The following ATP2A2 variants were observed in gnomAD, a reference collection of about 807,000 sequenced individuals.
ATP2A2 encodes ATPase sarcoplasmic/endoplasmic reticulum Ca2+ transporting 2.
A neutral mutation model predicts 109.3 loss-of-function variants in ATP2A2; 14 were observed. The observed-to-expected ratio is 0.13, with a 90% CI of 0.08 to 0.20. The LOEUF (loss-of-function observed/expected upper bound fraction) is 0.20, where lower values mean the gene tolerates loss of function less well. ATP2A2 is among the 10% of genes least tolerant of loss of function. The pLI is 1.00. For missense variants in ATP2A2, 657 were observed against 1,321.6 expected, an observed-to-expected ratio of 0.50 and a Z score of 7.80; for synonymous variants, 506 against 490.9, an observed-to-expected ratio of 1.03 and a Z score of -0.41.
chr12:110,339,281 G>C lies in ATP2A2; in HGVS notation c.1420G>C (p.Val474Leu). 1 of 1,613,888 alleles carries C rather than the reference G, an allele frequency of 6.2e-7. No individual in the cohort carries two copies. Among genetic ancestry groups the C allele is most frequent in the Non-Finnish European group, 8.5e-7 (1 of 1,180,010 alleles). ...KIERANACNS[V>L]IKQLMKKEFT... ...GTATCCATATTTGTTCCCTTTGTAG[G>C]TCATTAAACAGCTGATGAAAAAGGA... Residue 474 changes from valine to leucine, a missense_variant and splice_region_variant, in exon 12 of 20, where the codon GTC becomes CTC. This residue lies in a region of ATP2A2 where 180 missense variants were observed against 329.1 expected (regional missense o/e 0.55). Coordinates refer to ENST00000539276, the MANE Select transcript of ATP2A2 (RefSeq NM_170665.4). The surrounding 1 kb of genome is among the most constrained non-coding windows in gnomAD (Gnocchi z 4.4).
chr12:110,294,546 T>A (rs1873755824), intron 4 of ATP2A2, among the ~76,000 whole-genome samples: 1 of 151,908 alleles, frequency 6.6e-6, no homozygotes. Context: ...CCCCAGCTAC[T>A]TGGGAGGCTG....
chr12:110,344,960 T>C lies in ATP2A2; in HGVS notation c.2596T>C (p.Phe866Leu). Residue 866 changes from phenylalanine (F) to leucine (L), a missense_variant, in exon 17 of 20, where the codon TTC (phenylalanine) becomes CTC (leucine). Phe to Leu is a conservative substitution (Grantham distance 22, BLOSUM62 0). This residue lies in a region of ATP2A2 where 125 missense variants were observed against 243.5 expected (regional missense o/e 0.51). Coordinates refer to ENST00000539276, the MANE Select transcript of ATP2A2 (RefSeq NM_170665.4). ...IAADGGPRVS[F>L]YQLSHFLQCK... ...TGCTGACGGTGGTCCAAGAGTGTCCTTCTACCAGCTGGTACTCAGTCACCT... is the reference window on the plus strand; with the variant it reads ...TGCTGACGGTGGTCCAAGAGTGTCCCTCTACCAGCTGGTACTCAGTCACCT... 1 of 1,614,128 alleles carries C rather than the reference T, an allele frequency of 6.2e-7. No homozygotes were observed. Among genetic ancestry groups the C allele is most frequent in the Non-Finnish European group, 8.5e-7 (1 of 1,180,002 alleles).
At position 110,346,498 on chromosome 12, in the gene ATP2A2, T is replaced by TA; in HGVS notation, c.*30dup. The TA allele has an allele frequency of 1.2e-6, 2 of 1,613,960 alleles. No individual in the cohort carries two copies. The highest frequency in any genetic ancestry group is 1.7e-6 in the Non-Finnish European group (2 of 1,179,964). On this transcript the variant is annotated 3_prime_UTR_variant, in exon 20 of 20. Transcript: ENST00000539276. ...GACAGTTTTCCATAAAGAAGATGTT[T>TA]AACTTAATCAATTAATTTTTTTATT... is the stretch of plus-strand genomic sequence containing the variant.
In ATP2A2 at chr12:110,346,499, A is replaced by G. The variant is rs764675759; in HGVS notation, c.*29A>G. ...ACAGTTTTCCATAAAGAAGATGTTT[A>G]ACTTAATCAATTAATTTTTTTATTG... On this transcript the variant is annotated 3_prime_UTR_variant, in exon 20 of 20. Transcript: ENST00000539276. 1 of 1,613,886 alleles carries G rather than the reference A, an allele frequency of 6.2e-7. No homozygotes were observed. Among genetic ancestry groups the G allele is most frequent in the South Asian group, 1.1e-5 (1 of 91,024 alleles).
At chr12:110,338,501 A>G (rs1297075768) in intron 11 of ATP2A2, among the ~76,000 whole-genome samples, 7 of 152,162 alleles carry the variant, frequency 4.6e-5, no homozygotes, top group Admixed American at 3.9e-4. Flanking sequence ...TCTTTCGTCC[A>G]GGGTGGAGTG....
At chr12:110,343,518 G>GT (rs1328538745) in intron 16 of ATP2A2, 84 bp downstream of exon 16, 3 of 1,502,768 alleles carry the variant, frequency 2.0e-6, no homozygotes, top group South Asian at 1.1e-5. Flanking sequence ...TTAAAAGCGT[G>GT]TTTTTTCTTC....
chr12:110,321,665 C>A (rs1877259741), intron 5 of ATP2A2, among the ~76,000 whole-genome samples: 1 of 152,202 alleles, frequency 6.6e-6, no homozygotes, highest in Non-Finnish European at 1.5e-5. Flanking sequence ...GAACTCCTAG[C>A]TTCGAGTGAT....
chr12:110,318,782 G>A (rs1592834755), intron 5 of ATP2A2, among the ~76,000 whole-genome samples: 1 of 152,134 alleles, frequency 6.6e-6, no homozygotes. Flanking sequence ...TCTATGGCAG[G>A]TTTTTTGGAT....
intron 5 of ATP2A2, among the ~76,000 whole-genome samples, chr12:110,313,463 C>A (rs1373097793): frequency 6.6e-6 from 1 of 151,706 alleles, no homozygotes; most frequent in Non-Finnish European, 1.5e-5. Context: ...CAGGCACCCA[C>A]CACAATGTCC....
rs1872231644 is a variant in ATP2A2 at position 110,282,454 on chromosome 12, T to C, written c.119-150T>C. The C allele has an allele frequency of 4.6e-6, 5 of 1,094,242 alleles. No homozygotes were observed. The Admixed American group carries it at 9.7e-5, about 21-fold the overall frequency. 67.8% of individuals were successfully genotyped at this position (1,094,242 alleles called of 1,614,324 possible). On this transcript the variant is annotated intron_variant, in intron 1 of 19. Transcript: ENST00000539276. ...TATGCCCTCTGCTAAAAAAATCGGA[T>C]ATTCTTATAGCTAGGTCTGTGTTTT...
intron 4 of ATP2A2, 44 bp from the exon 5 acceptor site, chr12:110,296,555 G>T: frequency 6.2e-7 from 1 of 1,612,648 alleles, no homozygotes; most frequent in Non-Finnish European, 8.5e-7. Context: ...AATAATTGCA[G>T]TGTCAGGCAG....
In ATP2A2 at chr12:110,347,794, G is replaced by A. The variant is rs1179376018; in HGVS notation, c.*1324G>A. 9.5e-7 allele frequency: 1 copy of A among 1,049,918 alleles called. No homozygotes were observed. The highest frequency in any genetic ancestry group is 1.2e-6 in the Non-Finnish European group (1 of 868,044). The allele number at this position is 1,049,918 out of a possible 1,614,324, so 65.0% of individuals were successfully genotyped here. On this transcript the variant is annotated 3_prime_UTR_variant, in exon 20 of 20. Transcript: ENST00000539276. ...CCTTCCAACATCCATCAACTAACGT[G>A]AGTATTTTCTTCCTGGGATTTGGAT...
intron 11 of ATP2A2, among the ~76,000 whole-genome samples, chr12:110,337,140 C>T (rs769533770): frequency 1.3e-5 from 2 of 152,174 alleles, no homozygotes; most frequent in Admixed American, 6.5e-5. Context: ...ATCTTTTTCA[C>T]ATCCCTTGGC....
chr12:110,338,285 C>G (rs1405348839), intron 11 of ATP2A2, among the ~76,000 whole-genome samples: 1 of 152,220 alleles, frequency 6.6e-6, no homozygotes, highest in East Asian at 1.9e-4. Flanking sequence ...GCCATATTCA[C>G]TTAAAGTGCT....
At position 110,342,536 on chromosome 12, in the gene ATP2A2, C is replaced by T; in HGVS notation, c.2318+88C>T. ...TTCTCGCAGTTTGCTCTCCAGATTG[C>T]AGCAGCTTTGGTCTTTGTGCCTGAG... On this transcript the variant is annotated intron_variant, in intron 15 of 19. Coordinates refer to ENST00000539276, the MANE Select transcript of ATP2A2 (RefSeq NM_170665.4). The surrounding 1 kb of genome is among the most constrained non-coding windows in gnomAD (Gnocchi z 4.6). The T allele has an allele frequency of 4.8e-6, 7 of 1,446,910 alleles. No homozygotes were observed. Among genetic ancestry groups the T allele is most frequent in the South Asian group, 3.6e-5 (3 of 83,188 alleles). 89.6% of individuals were successfully genotyped at this position (1,446,910 alleles called of 1,614,324 possible).
At chr12:110,282,545 TC>T in intron 1 of ATP2A2, 58 bp from the exon 2 acceptor site, 18 of 1,573,400 alleles carry the variant, frequency 1.1e-5, no homozygotes, top group South Asian at 3.4e-5. Flanking sequence ...AATGTCTCTC[TC>T]TTTTTTTTTT....
intron 5 of ATP2A2, among the ~76,000 whole-genome samples, chr12:110,313,625 C>T (rs1006924923): frequency 4.0e-5 from 6 of 151,308 alleles, no homozygotes; most frequent in African/African-American, 1.5e-4. Context: ...ATGGGAACCA[C>T]CTTTCCTAAG....
rs1472359616 is a variant in ATP2A2, at chr12:110,345,081, G to T, written c.2607+110G>T. ...CATCTTAAGACTCAGACAATAAACA[G>T]TTACATCTAAGATGATTCTGAAGGA... is the stretch of plus-strand genomic sequence containing the variant. On this transcript the variant is annotated intron_variant, in intron 17 of 19. Transcript: ENST00000539276. The T allele has an allele frequency of 9.4e-6, 14 of 1,490,262 alleles. No individual in the cohort carries two copies. The East Asian group carries it at 2.5e-4, about 26-fold the overall frequency. 92.3% of individuals were successfully genotyped at this position (1,490,262 alleles called of 1,614,324 possible).
In ATP2A2 at chr12:110,349,826, A is replaced by G. The variant is rs1471602190; in HGVS notation, c.*3356A>G. 3 of 1,043,656 alleles carry G rather than the reference A, an allele frequency of 2.9e-6. No homozygotes were observed. The highest frequency in any genetic ancestry group is 3.5e-6 in the Non-Finnish European group (3 of 864,846). 64.6% of individuals were successfully genotyped at this position (1,043,656 alleles called of 1,614,324 possible). ...GCTTCACCCTCCTTTACTGAGGAGA[A>G]TGATGCGGAGGAGTTTCCTCTCCAG... On this transcript the variant is annotated 3_prime_UTR_variant, in exon 20 of 20. Coordinates refer to ENST00000539276, the MANE Select transcript of ATP2A2 (RefSeq NM_170665.4).
Sources: gnomAD v4.1 joint callset for allele counts (sites outside exome capture counted in the v4.1 genomes callset) on GRCh38, gnomAD v4.1.1 for gene constraint, gnomAD v4.1.1 regional missense constraint, Gnocchi (gnomAD v3.1) non-coding constraint, MANE v1.5 for transcripts, NCBI Gene and HGNC (gene_info 2026-07-23, HGNC 2026-07-21) for gene names.